Variants in DAAM2 observed in about 807,000 individuals in gnomAD.
The protein encoded by DAAM2 is dishevelled associated activator of morphogenesis 2, also known as disheveled-associated activator of morphogenesis 2.
A neutral mutation model predicts 120.7 loss-of-function variants in DAAM2; 39 were observed. The ratio of observed to expected loss-of-function variants is 0.32; its 90% CI spans 0.25 to 0.42. The LOEUF is 0.42. Among genes scored for constraint, DAAM2 ranks in the 10% least tolerant of loss-of-function variants. The pLI, the probability that DAAM2 is intolerant of heterozygous loss-of-function variation, is 1.00. For missense variants in DAAM2, 1,283 were observed against 1,401.7 expected, an observed-to-expected ratio of 0.92 and a Z score of 1.35; for synonymous variants, 488 against 524.9, an observed-to-expected ratio of 0.93 and a Z score of 0.96.
At chr6:39,823,708 G>A (rs973431684) in intron 1 of DAAM2, among the ~76,000 whole-genome samples, 28 of 152,210 alleles carry the variant, frequency 1.8e-4, no homozygotes, top group Non-Finnish European at 4.1e-4. Flanking sequence ...AACTGTGCAT[G>A]TGACTTGTGC....
Position 39,879,262 on chromosome 6 carries a change from C to T in DAAM2, c.1630C>T (p.Pro544Ser). 6.5e-7 allele frequency: 1 copy of T among 1,534,414 alleles called. No homozygotes were observed. The highest frequency in any genetic ancestry group is 8.8e-7 in the Non-Finnish European group (1 of 1,133,828). ...SMTTNDLPPPPPPLPFACCPP... is the reference protein window; with the variant it reads ...SMTTNDLPPPSPPLPFACCPP... ...GACAACCAATGACCTGCCTCCACCC[C>T]CTCCTCCTCTGCCCTTTGCCTGTTG... The change falls in exon 14 of 25, where the codon CCT (proline) becomes TCT (serine). Residue 544 changes from proline (P) to serine (S), a missense_variant. Coordinates refer to ENST00000274867, the MANE Select transcript of DAAM2 (RefSeq NM_001201427.2).
intron 6 of DAAM2, 145 bp from the exon 7 acceptor site, chr6:39,868,678 C>A: frequency 1.6e-6 from 1 of 636,970 alleles, no homozygotes; most frequent in Non-Finnish European, 2.8e-6. Flanking sequence ...TTGGGGCAGC[C>A]CAGAGTAAAT....
intron 1 of DAAM2, among the ~76,000 whole-genome samples, chr6:39,832,870 G>A (rs1762965887): frequency 1.3e-5 from 2 of 152,164 alleles, no homozygotes; most frequent in African/African-American, 2.4e-5. Context: ...GGGTAGACTT[G>A]GCACCCACTG....
At position 39,865,028 on chromosome 6, in the gene DAAM2, CA is replaced by C; in HGVS notation, c.384del (p.Val129SerfsTer5). 6.2e-7 allele frequency: 1 copy of C among 1,607,698 alleles called. No individual in the cohort carries two copies. The highest frequency in any genetic ancestry group is 8.5e-7 in the Non-Finnish European group (1 of 1,177,252). On this transcript the variant is annotated frameshift_variant, in exon 5 of 25. Coordinates refer to ENST00000274867, the MANE Select transcript of DAAM2 (RefSeq NM_001201427.2). LOFTEE classifies it high-confidence loss of function. ...FDEEETEMRN[Q>X]VVEDLKTALR... ...TGAGGAGGAGACGGAGATGAGGAACCAAGTCGTGGAAGACCTGAAGACAGCC... is the reference window on the plus strand; with the variant it reads ...TGAGGAGGAGACGGAGATGAGGAACCAGTCGTGGAAGACCTGAAGACAGCC...
Position 39,901,171 on chromosome 6 carries a change from C to A in DAAM2, c.2812-131C>A. 1 of 769,756 alleles carries A rather than the reference C, an allele frequency of 1.3e-6. No individual in the cohort carries two copies. Among genetic ancestry groups the A allele is most frequent in the Non-Finnish European group, 2.2e-6 (1 of 461,366 alleles). The allele number at this position is 769,756 out of a possible 1,614,324, so 47.7% of individuals were successfully genotyped here. On this transcript the variant is annotated intron_variant, in intron 23 of 24. Coordinates refer to ENST00000274867, the MANE Select transcript of DAAM2 (RefSeq NM_001201427.2). The surrounding 1 kb of genome is among the most constrained non-coding windows in gnomAD (Gnocchi z 4.5). ...GGGGGTGTCTTCTCACCTCTTCCAG[C>A]CCTGCCCCCTGTGCCAACAGTCCCC...
intron 14 of DAAM2, among the ~76,000 whole-genome samples, chr6:39,881,073 T>C (rs1271140686): frequency 1.3e-5 from 2 of 152,268 alleles, no homozygotes; most frequent in African/African-American, 4.8e-5. Flanking sequence ...TAAAAAGTTA[T>C]GCACATCAAT....
At chr6:39,800,205 A>G (rs1424725406) in intron 1 of DAAM2, among the ~76,000 whole-genome samples, 3 of 152,158 alleles carry the variant, frequency 2.0e-5, no homozygotes, top group Non-Finnish European at 4.4e-5. Context: ...AGCATCATCC[A>G]TCACCCAGGC....
chr6:39,876,126 GGT>G (rs1764858889), intron 11 of DAAM2, among the ~76,000 whole-genome samples: 1 of 152,066 alleles, frequency 6.6e-6, no homozygotes, highest in Non-Finnish European at 1.5e-5. Context: ...AAGGCCTTCT[GGT>G]TTACCATATT....
In DAAM2 at chr6:39,878,651, G is replaced by A. The variant is rs1056730552; in HGVS notation, c.1545+63G>A. 7.3e-6 allele frequency: 11 copies of A among 1,507,182 alleles called. No individual in the cohort carries two copies. In the African/African-American group the frequency reaches 1.1e-4, roughly 15 times the overall value. 93.4% of individuals were successfully genotyped at this position (1,507,182 alleles called of 1,614,324 possible). On this transcript the variant is annotated intron_variant, in intron 13 of 24. Transcript: ENST00000274867. This position sits in a 1 kb window ranked among gnomAD's most constrained non-coding sequence, Gnocchi z 5.0. ...GACCCTGGGCTTCAGGACTGGGTGG[G>A]CAGAGCAGGTGTCGGAGAGGCCAAG...
rs1430748377 is a variant in DAAM2 at position 39,904,502 on chromosome 6, A to G, written c.*2465A>G. 2.2e-6 allele frequency: 1 copy of G among 454,392 alleles called. No individual in the cohort carries two copies. The highest frequency in any genetic ancestry group is 2.3e-5 in the Admixed American group (1 of 42,590). The allele number at this position is 454,392 out of a possible 1,614,324, so 28.1% of individuals were successfully genotyped here. On this transcript the variant is annotated 3_prime_UTR_variant, in exon 25 of 25. Transcript: ENST00000274867. The stretch of plus-strand genomic sequence containing the variant: ...CACCTTTAGATAAGTTTCTCTAGCT[A>G]ATTTTGTGGCCAATGTAAAATTCGT...
chr6:39,854,392 C>T lies in DAAM2; in HGVS notation c.-56-1855C>T, dbSNP rs555734174. Among the ~76,000 whole-genome samples, 3 of 152,266 alleles carry T rather than the reference C, an allele frequency of 2.0e-5. No homozygotes were observed. The South Asian group carries it at 6.2e-4, about 32-fold the overall frequency. ...AGCAGGAGACACAGCTCCTGCCCTCCAGGAGCCCTCACGATATTTATGAGA... is the reference window on the plus strand; with the variant it reads ...AGCAGGAGACACAGCTCCTGCCCTCTAGGAGCCCTCACGATATTTATGAGA... On this transcript the variant is annotated intron_variant, in intron 1 of 24. Transcript: ENST00000274867.
chr6:39,832,071 A>T (rs1582639309), intron 1 of DAAM2, among the ~76,000 whole-genome samples: 2 of 83,020 alleles, frequency 2.4e-5, no homozygotes, highest in Non-Finnish European at 4.9e-5. Flanking sequence ...GTACTGAGGG[A>T]GTAGGTGCAC....
intron 17 of DAAM2, among the ~76,000 whole-genome samples, chr6:39,889,932 A>G (rs1297967742): frequency 6.6e-6 from 1 of 152,166 alleles, no homozygotes; most frequent in Non-Finnish European, 1.5e-5. Flanking sequence ...GTTCAAGCCC[A>G]GCCTGGCCAG....
In DAAM2 at chr6:39,860,914, T is replaced by C. The variant is rs1172503314; in HGVS notation, c.169-14T>C. 6 of 1,607,316 alleles carry C rather than the reference T, an allele frequency of 3.7e-6. No homozygotes were observed. The highest frequency in any genetic ancestry group is 5.1e-6 in the Non-Finnish European group (6 of 1,175,884). On this transcript the variant is annotated splice_polypyrimidine_tract_variant and intron_variant, in intron 2 of 24. Transcript: ENST00000274867. Reference sequence around the variant, plus strand: ...CCCTAGTGTCAGACGTATTTTTTCTTATTGTCTTTGCAGGATGAATTGGAT... The same window carrying C: ...CCCTAGTGTCAGACGTATTTTTTCTCATTGTCTTTGCAGGATGAATTGGAT...
chr6:39,849,737 GAGATGGTCTGC>G (rs1282426094), intron 1 of DAAM2, among the ~76,000 whole-genome samples: 2 of 152,190 alleles, frequency 1.3e-5, no homozygotes, highest in Non-Finnish European at 2.9e-5. Context: ...CCAGCTTGAG[GAGATGGTCTGC>G]AGAGGCTTGG....
At chr6:39,816,313 C>T (rs550036559) in intron 1 of DAAM2, among the ~76,000 whole-genome samples, 1 of 152,300 alleles carries the variant, frequency 6.6e-6, no homozygotes, top group African/African-American at 2.4e-5. Flanking sequence ...TATAAATGTT[C>T]TCCTGCTCTT....
At chr6:39,804,983 C>T (rs560280997) in intron 1 of DAAM2, among the ~76,000 whole-genome samples, 61 of 152,252 alleles carry the variant, frequency 4.0e-4, no homozygotes, top group Non-Finnish European at 7.4e-4. Flanking sequence ...GTGAGGTTGA[C>T]TGCATATGAG....
chr6:39,877,105 C>A (rs1434372324), intron 11 of DAAM2, among the ~76,000 whole-genome samples: 3 of 152,332 alleles, frequency 2.0e-5, no homozygotes, highest in South Asian at 4.1e-4. Context: ...GGTTCCCTGG[C>A]AGTCCACTGC....
chr6:39,882,729 A>G (rs1034000656), intron 14 of DAAM2, among the ~76,000 whole-genome samples: 3 of 151,436 alleles, frequency 2.0e-5, no homozygotes, highest in African/African-American at 4.9e-5. Flanking sequence ...GCACACACAC[A>G]CACATACACA....
Sources: allele counts gnomAD v4.1 joint callset (sites outside exome capture counted in the v4.1 genomes callset), GRCh38; gene constraint gnomAD v4.1.1; non-coding constraint Gnocchi (gnomAD v3.1); transcripts MANE v1.5; gene names NCBI Gene and HGNC (gene_info 2026-07-23, HGNC 2026-07-21).